The following OXR1 variants were observed in gnomAD, a reference collection of about 807,000 sequenced individuals.
OXR1 encodes the protein oxidation resistance 1.
OXR1 carries 41 observed loss-of-function variants against 104.6 expected under a neutral mutation model. The observed-to-expected ratio is 0.39, with a 90% CI of 0.31 to 0.51. OXR1 has a LOEUF of 0.51. Among genes scored for constraint, OXR1 ranks in the 20% least tolerant of loss-of-function variants. The pLI is 0.77. For synonymous variants in OXR1, 348 were observed against 348.4 expected (o/e 1.00, Z 0.01); for missense variants, 955 against 1,031.9 (o/e 0.93, Z 1.02).
At chr8:106,688,156 A>G (rs1828927233) in intron 6 of OXR1, among the ~76,000 whole-genome samples, 1 of 152,150 alleles carries the variant, frequency 6.6e-6, no homozygotes, top group South Asian at 2.1e-4. Context: ...TGCTAATGCC[A>G]TTTTAGGGTA....
chr8:106,581,072 C>G (rs1311060280), intron 3 of OXR1: 1 of 1,187,150 alleles, frequency 8.4e-7, no homozygotes, highest in Non-Finnish European at 1.1e-6. Flanking sequence ...CTTCAATAGT[C>G]TGCTAAAGAT....
chr8:106,725,287 C>A (rs541538485), intron 11 of OXR1, among the ~76,000 whole-genome samples: 15 of 151,766 alleles, frequency 9.9e-5, no homozygotes, highest in Admixed American at 3.3e-4. Flanking sequence ...TGCAGTATTG[C>A]GTGTTAGAAA....
chr8:106,597,101 T>G (rs1162369123), intron 3 of OXR1, among the ~76,000 whole-genome samples: 1 of 152,118 alleles, frequency 6.6e-6, no homozygotes, highest in Non-Finnish European at 1.5e-5. Context: ...GTACACCTCA[T>G]AGAACACATC....
chr8:106,484,240 A>C (rs77696511), intron 2 of OXR1, among the ~76,000 whole-genome samples: 3 of 152,040 alleles, frequency 2.0e-5, no homozygotes, highest in Non-Finnish European at 4.4e-5. Flanking sequence ...TAAGGAAAAA[A>C]TAGGACAACT....
At chr8:106,581,938 C>T (rs139483774) in intron 3 of OXR1, among the ~76,000 whole-genome samples, 3,897 of 145,230 alleles carry the variant, frequency 0.027, 62 homozygotes, top group African/African-American at 0.062. Flanking sequence ...ACAGGAGAAT[C>T]GCTTGAACGT....
At chr8:106,402,537 C>A (rs1586607820) in intron 2 of OXR1, among the ~76,000 whole-genome samples, 1 of 152,318 alleles carries the variant, frequency 6.6e-6, no homozygotes, top group Non-Finnish European at 1.5e-5. Flanking sequence ...ACTAAAACTT[C>A]ATTGGTCACC....
intron 1 of OXR1, among the ~76,000 whole-genome samples, chr8:106,343,891 G>A (rs1815363592): frequency 6.6e-6 from 1 of 152,200 alleles, no homozygotes. Context: ...GAAGGCTTAG[G>A]TAGTTTAACT....
intron 2 of OXR1, among the ~76,000 whole-genome samples, chr8:106,499,948 A>T (rs1261548187): frequency 6.6e-6 from 1 of 152,188 alleles, no homozygotes; most frequent in South Asian, 2.1e-4. Context: ...TGACGCTGAG[A>T]AGTGAATGCT....
At chr8:106,466,782 T>C (rs907317911) in intron 2 of OXR1, among the ~76,000 whole-genome samples, 17 of 151,902 alleles carry the variant, frequency 1.1e-4, no homozygotes, top group Admixed American at 9.2e-4. Context: ...TTTTTCTGTA[T>C]ACAGACAATA....
chr8:106,278,407 C>G (rs1812146320), intron 1 of OXR1, among the ~76,000 whole-genome samples: 1 of 151,824 alleles, frequency 6.6e-6, no homozygotes, highest in South Asian at 2.1e-4. Context: ...CATCTACATA[C>G]CAAATTACAC....
chr8:106,551,809 TATATAC>T (rs1419941422), intron 3 of OXR1, among the ~76,000 whole-genome samples: 1 of 132,486 alleles, frequency 7.5e-6, no homozygotes, highest in Non-Finnish European at 1.6e-5. Flanking sequence ...TATATATATA[TATATAC>T]ACACACACAC....
intron 2 of OXR1, among the ~76,000 whole-genome samples, chr8:106,403,614 C>T (rs577762447): frequency 5.9e-5 from 9 of 152,188 alleles, no homozygotes; most frequent in Non-Finnish European, 1.0e-4. Flanking sequence ...TTCCAATCTC[C>T]TTGAGCCTTT....
chr8:106,290,334 C>G (rs905540894), intron 1 of OXR1, among the ~76,000 whole-genome samples: 7 of 152,050 alleles, frequency 4.6e-5, no homozygotes, highest in Admixed American at 4.6e-4. Flanking sequence ...TGTAAGATCT[C>G]AAGCTACAAA....
intron 3 of OXR1, among the ~76,000 whole-genome samples, chr8:106,595,279 C>T (rs1441874073): frequency 1.3e-5 from 2 of 152,020 alleles, no homozygotes; most frequent in African/African-American, 2.4e-5. Flanking sequence ...TGGCCGGGTG[C>T]GCTGGCTCAC....
intron 3 of OXR1, among the ~76,000 whole-genome samples, chr8:106,642,580 A>C (rs1309365838): frequency 2.0e-5 from 3 of 152,206 alleles, no homozygotes; most frequent in African/African-American, 7.2e-5. Flanking sequence ...AGTAGCACAC[A>C]CCATTTTTGC....
intron 1 of OXR1, among the ~76,000 whole-genome samples, chr8:106,295,524 C>T (rs1812958252): frequency 6.6e-6 from 1 of 151,802 alleles, no homozygotes; most frequent in Non-Finnish European, 1.5e-5. Flanking sequence ...GATAATGTTA[C>T]CATAAGATTT....
intron 2 of OXR1, among the ~76,000 whole-genome samples, chr8:106,422,625 T>C (rs1213322239): frequency 6.6e-6 from 1 of 152,180 alleles, no homozygotes; most frequent in Non-Finnish European, 1.5e-5. Flanking sequence ...TGAAGAGCCG[T>C]ATGACTTCTC....
At chr8:106,587,737 C>G (rs1818737021) in intron 3 of OXR1, among the ~76,000 whole-genome samples, 1 of 152,078 alleles carries the variant, frequency 6.6e-6, no homozygotes, top group Non-Finnish European at 1.5e-5. Context: ...AAACCTCCCT[C>G]TCTTCTTGCA....
chr8:106,411,912 G>A (rs919678786), intron 2 of OXR1, among the ~76,000 whole-genome samples: 1 of 152,126 alleles, frequency 6.6e-6, no homozygotes, highest in Non-Finnish European at 1.5e-5. Flanking sequence ...ACACTTCGGA[G>A]CCAAAGTGCT....
Sources: allele counts gnomAD v4.1 joint callset (sites outside exome capture counted in the v4.1 genomes callset), GRCh38; gene constraint gnomAD v4.1.1; transcripts MANE v1.5; gene names NCBI Gene and HGNC (gene_info 2026-07-23, HGNC 2026-07-21).